The following SLCO5A1 variants were observed in gnomAD, a reference collection of about 807,000 sequenced individuals.
SLCO5A1 encodes the protein solute carrier organic anion transporter family member 5A1.
Under a neutral mutation model 65.1 loss-of-function variants are expected in SLCO5A1, and 39 were observed. The ratio of observed to expected loss-of-function variants is 0.60; its 90% confidence interval spans 0.46 to 0.78. SLCO5A1 has a LOEUF of 0.78. Ranked by LOEUF, SLCO5A1 falls within the 30% of genes least tolerant of loss-of-function variation. The probability of loss-of-function intolerance (pLI) is 0.00; values close to 1 mark genes in which losing one functional copy is unlikely to be tolerated. For synonymous variants in SLCO5A1, 438 were observed against 415.7 expected, an observed-to-expected ratio of 1.05 and a Z score of -0.65; for missense variants, 1,029 against 1,069.4, an observed-to-expected ratio of 0.96 and a Z score of 0.53.
intron 2 of SLCO5A1, among the ~76,000 whole-genome samples, chr8:69,800,431 C>G (rs1373076567): frequency 6.6e-6 from 1 of 151,910 alleles, no homozygotes; most frequent in Non-Finnish European, 1.5e-5. Context: ...CCAGTTTGAA[C>G]AGATAACAAT....
intron 2 of SLCO5A1, among the ~76,000 whole-genome samples, chr8:69,775,137 A>G (rs1047242522): frequency 6.6e-6 from 1 of 152,188 alleles, no homozygotes; most frequent in Non-Finnish European, 1.5e-5. Context: ...AGAGCATCTC[A>G]GGTCACAAAT....
intron 2 of SLCO5A1, among the ~76,000 whole-genome samples, chr8:69,829,971 A>G (rs1448201930): frequency 6.6e-6 from 1 of 152,190 alleles, no homozygotes. Flanking sequence ...TGTCGTGGGT[A>G]TACTGGTGCT....
At chr8:69,719,658 C>A (rs1420783173) in intron 5 of SLCO5A1, 1 of 152,118 alleles carries the variant, frequency 6.6e-6, no homozygotes, top group Non-Finnish European at 1.5e-5. Context: ...ACCATATCTA[C>A]CCTCCTCATA....
At chr8:69,744,023 G>C (rs986017880) in intron 4 of SLCO5A1, among the ~76,000 whole-genome samples, 1 of 152,146 alleles carries the variant, frequency 6.6e-6, no homozygotes, top group African/African-American at 2.4e-5. Context: ...CTATCTGCCA[G>C]GGGCCCAGCT....
At chr8:69,693,822 G>T (rs1460120325) in intron 6 of SLCO5A1, among the ~76,000 whole-genome samples, 2 of 152,202 alleles carry the variant, frequency 1.3e-5, no homozygotes, top group East Asian at 1.9e-4. Flanking sequence ...AAAGGTTAAA[G>T]AATTGGCCAA....
In SLCO5A1 at chr8:69,794,292, G is replaced by C. The variant is rs964174495; in HGVS notation, c.908-32417C>G. 3 of 477,202 alleles carry C rather than the reference G, an allele frequency of 6.3e-6. No homozygotes were observed. The Admixed American group carries it at 6.5e-5, about 10-fold the overall frequency. The allele number at this position is 477,202 out of a possible 1,614,324, so 29.6% of individuals were successfully genotyped here. A position where few individuals can be genotyped will look rare whatever the true frequency, so the allele number is the denominator to read the frequency against. On this transcript the variant is annotated intron_variant, in intron 2 of 9. Coordinates refer to ENST00000260126, the MANE Select transcript of SLCO5A1 (RefSeq NM_030958.3). ...TTTTGCTGAATGGGGAGAAGTTCTT[G>C]AGGTTAATGTAGCAAAAGTAGATGT...
At chr8:69,779,675 G>A (rs1237303956) in intron 2 of SLCO5A1, among the ~76,000 whole-genome samples, 2 of 152,114 alleles carry the variant, frequency 1.3e-5, no homozygotes, top group Non-Finnish European at 2.9e-5. Context: ...AGAAGTTAAG[G>A]AGATAGGCAA....
intron 5 of SLCO5A1, among the ~76,000 whole-genome samples, chr8:69,735,002 T>C (rs1053527312): frequency 6.6e-6 from 1 of 152,122 alleles, no homozygotes; most frequent in Non-Finnish European, 1.5e-5. Flanking sequence ...CATTGAAAAG[T>C]GGGCAAAGGA....
chr8:69,798,111 A>AC (rs1819578342), intron 2 of SLCO5A1, among the ~76,000 whole-genome samples: 1 of 152,196 alleles, frequency 6.6e-6, no homozygotes, highest in Admixed American at 6.5e-5. Flanking sequence ...ATAGAAAAGA[A>AC]CCTACATGAA....
intron 2 of SLCO5A1, among the ~76,000 whole-genome samples, chr8:69,767,468 C>T (rs192371345): frequency 6.6e-6 from 1 of 152,200 alleles, no homozygotes; most frequent in African/African-American, 2.4e-5. Context: ...GTTGCTTAAG[C>T]TCTCTGAGCC....
intron 2 of SLCO5A1, among the ~76,000 whole-genome samples, chr8:69,763,578 C>T (rs1817904034): frequency 8.6e-6 from 1 of 116,186 alleles, no homozygotes; most frequent in Non-Finnish European, 1.6e-5. Context: ...CATGATCACA[C>T]CACTGCACTC....
intron 5 of SLCO5A1, among the ~76,000 whole-genome samples, chr8:69,728,399 T>C (rs1816185087): frequency 6.6e-6 from 1 of 152,194 alleles, no homozygotes; most frequent in South Asian, 2.1e-4. Flanking sequence ...AAATGTTTTA[T>C]ATAATTTTAA....
Position 69,672,776 on chromosome 8 carries a change from A to T in SLCO5A1, c.*93T>A. ...TTTGAGGATTGTGTCTGTAGAGGTTAAAAAAAAGAAAGAAAGAAAAGAAGG... is the reference window on the plus strand; with the variant it reads ...TTTGAGGATTGTGTCTGTAGAGGTTTAAAAAAAGAAAGAAAGAAAAGAAGG... On this transcript the variant is annotated 3_prime_UTR_variant, in exon 10 of 10. Coordinates refer to ENST00000260126, the MANE Select transcript of SLCO5A1 (RefSeq NM_030958.3). 1 of 1,300,802 alleles carries T rather than the reference A, an allele frequency of 7.7e-7. No homozygotes were observed. The allele number at this position is 1,300,802 out of a possible 1,614,324, so 80.6% of individuals were successfully genotyped here.
At chr8:69,768,238 C>T (rs139717806) in intron 2 of SLCO5A1, among the ~76,000 whole-genome samples, 3 of 152,314 alleles carry the variant, frequency 2.0e-5, no homozygotes, top group African/African-American at 7.2e-5. Flanking sequence ...CCTCTTTGGA[C>T]ATGGGAGGCA....
intron 2 of SLCO5A1, among the ~76,000 whole-genome samples, chr8:69,778,064 C>T (rs1305954717): frequency 6.6e-6 from 1 of 152,138 alleles, no homozygotes; most frequent in Non-Finnish European, 1.5e-5. Context: ...TAATCTCCTA[C>T]TGTGACTAAT....
chr8:69,670,125 G>A lies in SLCO5A1; in HGVS notation c.*2744C>T, dbSNP rs1813287557. 6.6e-6 allele frequency: 1 copy of A among 152,128 alleles called. No individual in the cohort carries two copies. The highest frequency in any genetic ancestry group is 1.5e-5 in the Non-Finnish European group (1 of 68,030). The allele number at this position is 152,128 out of a possible 1,614,324, so 9.4% of individuals were successfully genotyped here. On this transcript the variant is annotated 3_prime_UTR_variant, in exon 10 of 10. Transcript: ENST00000260126. Reference sequence around the variant, plus strand: ...TCTAAATTAATAGGATGAACTCAAGGATATTGTATTTGCATATTAAAGCTA... The same window carrying A: ...TCTAAATTAATAGGATGAACTCAAGAATATTGTATTTGCATATTAAAGCTA...
At chr8:69,763,286 G>C (rs1331181827) in intron 2 of SLCO5A1, among the ~76,000 whole-genome samples, 1 of 151,116 alleles carries the variant, frequency 6.6e-6, no homozygotes, top group East Asian at 1.9e-4. Context: ...TCCAGTCTGG[G>C]CAACAAGAGC....
In SLCO5A1 at chr8:69,771,976, A is replaced by G. The variant is rs921859427; in HGVS notation, c.908-10101T>C. Among the ~76,000 whole-genome samples, 6 of 152,272 alleles carry G rather than the reference A, an allele frequency of 3.9e-5. No homozygotes were observed. The East Asian group carries it at 5.8e-4, about 15-fold the overall frequency. On this transcript the variant is annotated intron_variant, in intron 2 of 9. Transcript: ENST00000260126. ...AGGGTCCTATGGGTTGACCTTCCCA[A>G]TGGCTTCTCTAGAGATGGGGAGAAA...
intron 4 of SLCO5A1, 69 bp downstream of exon 4, chr8:69,755,355 C>T (rs916193146): frequency 7.5e-7 from 1 of 1,340,532 alleles, no homozygotes; most frequent in Non-Finnish European, 1.1e-6. Flanking sequence ...CAGCATGGGC[C>T]TGGGACCACA....
Sources: gnomAD v4.1 joint callset for allele counts (sites outside exome capture counted in the v4.1 genomes callset) on GRCh38, gnomAD v4.1.1 for gene constraint, MANE v1.5 for transcripts, NCBI Gene and HGNC (gene_info 2026-07-23, HGNC 2026-07-21) for gene names.